Variants in AHCYL2 observed in about 807,000 individuals in gnomAD.
AHCYL2 encodes adenosylhomocysteinase like 2.
AHCYL2 carries 28 observed loss-of-function variants against 81.4 expected under a neutral mutation model. That is an observed-to-expected ratio of 0.34 (90% CI 0.25 to 0.47). The LOEUF (loss-of-function observed/expected upper bound fraction) is 0.47. AHCYL2 is among the 20% of genes least tolerant of loss of function. AHCYL2 has a pLI of 1.00. For missense variants in AHCYL2, 551 were observed against 785.1 expected, an observed-to-expected ratio of 0.70 and a Z score of 3.56; for synonymous variants, 272 against 290.2, an observed-to-expected ratio of 0.94 and a Z score of 0.64.
intron 1 of AHCYL2, among the ~76,000 whole-genome samples, chr7:129,356,827 A>T (rs781341236): frequency 2.6e-5 from 4 of 152,202 alleles, no homozygotes; most frequent in Non-Finnish European, 4.4e-5. Context: ...AGAGAAGAAA[A>T]GTGTCACCTT....
At chr7:129,365,048 A>T (rs528760730) in intron 1 of AHCYL2, among the ~76,000 whole-genome samples, 27 of 152,344 alleles carry the variant, frequency 1.8e-4, no homozygotes, top group African/African-American at 6.5e-4. Flanking sequence ...TTTCTTAAGC[A>T]CCTACTATAT....
chr7:129,389,292 A>T (rs1795351349), intron 3 of AHCYL2, 93 bp downstream of exon 3: 2 of 1,472,132 alleles, frequency 1.4e-6, no homozygotes, highest in Non-Finnish European at 1.9e-6. Context: ...GTAGCTTGTG[A>T]AATTTCTATG....
At chr7:129,339,311 C>T (rs905210835) in intron 1 of AHCYL2, among the ~76,000 whole-genome samples, 2 of 152,150 alleles carry the variant, frequency 1.3e-5, no homozygotes. Context: ...TAATATCTCT[C>T]AAACCTAAAA....
At chr7:129,323,866 C>A (rs534255451) in intron 1 of AHCYL2, among the ~76,000 whole-genome samples, 1 of 146,310 alleles carries the variant, frequency 6.8e-6, no homozygotes, top group East Asian at 2.0e-4. Context: ...TAATATGGCC[C>A]TTTTAGCTTT....
intron 1 of AHCYL2, among the ~76,000 whole-genome samples, chr7:129,293,733 A>C (rs866573325): frequency 6.6e-6 from 1 of 152,202 alleles, no homozygotes; most frequent in Non-Finnish European, 1.5e-5. Flanking sequence ...CAATTAATTT[A>C]AGTTCTTATA....
rs142341994 is a variant in AHCYL2 at position 129,350,993 on chromosome 7, C to T, written c.364-28645C>T. ...TGCTGGGATTACAGGCGTGAGCCAC[C>T]GCGCCCGGCCCCGGCCTAATTTCTT... On this transcript the variant is annotated intron_variant, in intron 1 of 16. Transcript: ENST00000325006. 5.7e-3 allele frequency among the ~76,000 whole-genome samples: 863 copies of T among 152,184 alleles called. 8 individuals are homozygous for T. The highest frequency in any genetic ancestry group is 0.019 in the African/African-American group (801 of 41,546).
intron 1 of AHCYL2, 28 bp downstream of exon 1, chr7:129,225,467 A>C (rs2150666649): frequency 2.0e-6 from 3 of 1,483,034 alleles, no homozygotes; most frequent in Non-Finnish European, 2.7e-6. Context: ...CCTCTCTAGG[A>C]GAGGAAGGGA....
chr7:129,408,628 A>G (rs968771072), intron 10 of AHCYL2, among the ~76,000 whole-genome samples: 2 of 152,224 alleles, frequency 1.3e-5, no homozygotes, highest in Non-Finnish European at 1.5e-5. Flanking sequence ...ATCCTTGGCT[A>G]TGAAGCTTCA....
At chr7:129,321,772 G>GTTTTTGTTTTTT (rs1217148394) in intron 1 of AHCYL2, among the ~76,000 whole-genome samples, 3 of 114,418 alleles carry the variant, frequency 2.6e-5, no homozygotes, top group Non-Finnish European at 5.3e-5. Context: ...TTTGGTCTTG[G>GTTTTTGTTTTTT]TTTTGTTTTT....
intron 1 of AHCYL2, among the ~76,000 whole-genome samples, chr7:129,252,363 A>T (rs550849163): frequency 6.6e-6 from 1 of 152,354 alleles, no homozygotes; most frequent in African/African-American, 2.4e-5. Context: ...TTTTAAAGCA[A>T]CACTGGTTTT....
chr7:129,350,697 T>G (rs1016851167), intron 1 of AHCYL2, among the ~76,000 whole-genome samples: 1 of 144,476 alleles, frequency 6.9e-6, no homozygotes, highest in Non-Finnish European at 1.5e-5. Flanking sequence ...CTTCATTTTC[T>G]TTTTCTTTCT....
At chr7:129,409,945 AT>A (rs1796487887) in intron 11 of AHCYL2, among the ~76,000 whole-genome samples, 1 of 150,946 alleles carries the variant, frequency 6.6e-6, no homozygotes, top group South Asian at 2.1e-4. Context: ...CAGAGTTTGG[AT>A]TCCAGCTTAG....
intron 2 of AHCYL2, among the ~76,000 whole-genome samples, chr7:129,382,998 T>C (rs1795036766): frequency 6.6e-6 from 1 of 152,206 alleles, no homozygotes; most frequent in Non-Finnish European, 1.5e-5. Flanking sequence ...CAGTTTATAC[T>C]TTCTCCCTAG....
At chr7:129,349,671 A>AG (rs1793488169) in intron 1 of AHCYL2, among the ~76,000 whole-genome samples, 6 of 150,770 alleles carry the variant, frequency 4.0e-5, no homozygotes, top group Admixed American at 3.3e-4. Flanking sequence ...AAAAAAAAAA[A>AG]AGCGTATGCC....
intron 12 of AHCYL2, among the ~76,000 whole-genome samples, chr7:129,418,846 G>A (rs1234327271): frequency 1.3e-5 from 2 of 152,202 alleles, no homozygotes; most frequent in South Asian, 2.1e-4. Flanking sequence ...ACTGTAGAAA[G>A]TGGTGGCTTG....
At chr7:129,347,898 A>G (rs1793418951) in intron 1 of AHCYL2, among the ~76,000 whole-genome samples, 1 of 152,192 alleles carries the variant, frequency 6.6e-6, no homozygotes, top group Non-Finnish European at 1.5e-5. Context: ...AAAGCTTTTC[A>G]GATAGATATT....
intron 1 of AHCYL2, among the ~76,000 whole-genome samples, chr7:129,276,148 A>AT (rs1445107019): frequency 6.6e-6 from 1 of 152,184 alleles, no homozygotes; most frequent in Admixed American, 6.5e-5. Flanking sequence ...AGAAAAAATA[A>AT]TAATGGAAAT....
chr7:129,250,492 ACTT>A (rs1472144885), intron 1 of AHCYL2, among the ~76,000 whole-genome samples: 1 of 152,188 alleles, frequency 6.6e-6, no homozygotes, highest in African/African-American at 2.4e-5. Flanking sequence ...TGACCATTTT[ACTT>A]CTTCTTGTCC....
At chr7:129,337,516 C>T (rs1303117202) in intron 1 of AHCYL2, among the ~76,000 whole-genome samples, 1 of 152,052 alleles carries the variant, frequency 6.6e-6, no homozygotes, top group African/African-American at 2.4e-5. Flanking sequence ...TCTCCTAGTT[C>T]AGGCTCCTGA....
Sources: allele counts gnomAD v4.1 joint callset (sites outside exome capture counted in the v4.1 genomes callset), GRCh38; gene constraint gnomAD v4.1.1; transcripts MANE v1.5; gene names NCBI Gene and HGNC (gene_info 2026-07-23, HGNC 2026-07-21).